GPALPP1: variants seen among roughly 807,000 people sequenced by gnomAD.
GPALPP1 encodes the protein GPALPP motifs-containing protein 1.
Under a neutral mutation model 38.9 loss-of-function variants are expected in GPALPP1, and 30 were observed. That is an observed-to-expected ratio of 0.77 (90% CI 0.58 to 1.05). The LOEUF is 1.05. GPALPP1 is among the 50% of genes least tolerant of loss of function. The pLI, the probability that GPALPP1 is intolerant of heterozygous loss-of-function variation, is 0.00. For synonymous variants in GPALPP1, 120 were observed against 139.2 expected, an observed-to-expected ratio of 0.86 and a Z score of 0.97; for missense variants, 384 against 408.8, an observed-to-expected ratio of 0.94 and a Z score of 0.52.
At chr13:44,991,251 A>G (rs1468931300) in intron 1 of GPALPP1, among the ~76,000 whole-genome samples, 1 of 152,060 alleles carries the variant, frequency 6.6e-6, no homozygotes, top group African/African-American at 2.4e-5. Flanking sequence ...GATCGAGACC[A>G]TTCTGGCCAA....
chr13:45,031,315 T>G (rs748314667), downstream of GPALPP1: 1 of 152,192 alleles, frequency 6.6e-6, no homozygotes, highest in African/African-American at 2.4e-5. Flanking sequence ...AGTGTCTCCA[T>G]TGCATTAATT....
Position 44,989,579 on chromosome 13 carries a change from G to A in GPALPP1, c.-76G>A. On this transcript the variant is annotated 5_prime_UTR_variant, in exon 1 of 8. Coordinates refer to ENST00000379151, the MANE Select transcript of GPALPP1 (RefSeq NM_018559.5). ...GGGAAACCTGCCATTCTTCGCTGCT[G>A]ATCGCGGGATTCTTTTTGGATAGGG... 1.3e-6 allele frequency: 2 copies of A among 1,496,664 alleles called. No individual in the cohort carries two copies. The highest frequency in any genetic ancestry group is 1.8e-5 in the Admixed American group (1 of 57,038). 92.7% of individuals were successfully genotyped at this position (1,496,664 alleles called of 1,614,324 possible). A position where few individuals can be genotyped will look rare whatever the true frequency, so the allele number is the denominator to read the frequency against.
At chr13:44,990,731 C>G (rs1010944027) in intron 1 of GPALPP1, among the ~76,000 whole-genome samples, 2 of 152,116 alleles carry the variant, frequency 1.3e-5, no homozygotes, top group African/African-American at 4.8e-5. Flanking sequence ...CCTGGTCTAC[C>G]CGGAGGCTAT....
At chr13:44,989,890 C>A in intron 1 of GPALPP1, 148 bp downstream of exon 1, 1 of 618,612 alleles carries the variant, frequency 1.6e-6, no homozygotes, top group South Asian at 1.9e-5. Context: ...TCTTCCCAAA[C>A]AGTAGCAGGG....
intron 1 of GPALPP1, among the ~76,000 whole-genome samples, chr13:44,995,169 A>AACACACACACACACACACACACAC (rs371911111): frequency 0.013 from 1,606 of 128,386 alleles, 35 homozygotes; most frequent in African/African-American, 0.027. Context: ...CCTATCTTTA[A>AACACACACACACACACACACACAC]ACACACACAC....
intron 1 of GPALPP1, among the ~76,000 whole-genome samples, chr13:44,996,971 C>T (rs1873338079): frequency 6.6e-6 from 1 of 151,912 alleles, no homozygotes; most frequent in African/African-American, 2.4e-5. Context: ...AAACTCTGTA[C>T]TCACTAAGTA....
chr13:44,999,543 G>A (rs931071870), intron 1 of GPALPP1, among the ~76,000 whole-genome samples: 1 of 151,970 alleles, frequency 6.6e-6, no homozygotes, highest in African/African-American at 2.4e-5. Context: ...TTTATTAGGG[G>A]GTCTGTATTG....
At chr13:45,018,366 C>T (rs963445984) in intron 6 of GPALPP1, among the ~76,000 whole-genome samples, 2 of 150,794 alleles carry the variant, frequency 1.3e-5, no homozygotes, top group Non-Finnish European at 2.9e-5. Flanking sequence ...CACTGCACTC[C>T]AGCCTGGGTA....
At chr13:44,997,542 T>G (rs1287861173) in intron 1 of GPALPP1, among the ~76,000 whole-genome samples, 1 of 152,000 alleles carries the variant, frequency 6.6e-6, no homozygotes, top group Non-Finnish European at 1.5e-5. Context: ...GAGTAGTGAG[T>G]CTACCCTACT....
intron 1 of GPALPP1, among the ~76,000 whole-genome samples, chr13:44,992,880 C>G (rs780471322): frequency 1.4e-4 from 21 of 152,212 alleles, no homozygotes; most frequent in Non-Finnish European, 2.8e-4. Flanking sequence ...GTCATCACCA[C>G]CATCCATCTC....
chr13:45,020,735 C>A (rs184032635), intron 7 of GPALPP1, among the ~76,000 whole-genome samples: 133 of 149,750 alleles, frequency 8.9e-4, no homozygotes, highest in African/African-American at 3.1e-3. Context: ...TTACTTATTT[C>A]TCTTTCTTTT....
At chr13:44,997,706 T>C (rs1873392740) in intron 1 of GPALPP1, among the ~76,000 whole-genome samples, 1 of 152,152 alleles carries the variant, frequency 6.6e-6, no homozygotes, top group Non-Finnish European at 1.5e-5. Flanking sequence ...TATCCCTAAG[T>C]ACTTCCATCT....
At chr13:45,026,918 AGAAAGGGCTATAAT>A (rs1157329976) in intron 7 of GPALPP1, among the ~76,000 whole-genome samples, 2 of 152,192 alleles carry the variant, frequency 1.3e-5, no homozygotes, top group Non-Finnish European at 2.9e-5. Context: ...TTGTTAAATG[AGAAAGGGCTATAAT>A]GAAAGGGATG....
intron 1 of GPALPP1, among the ~76,000 whole-genome samples, chr13:44,993,378 G>A (rs1331916145): frequency 2.0e-5 from 3 of 152,218 alleles, no homozygotes; most frequent in Non-Finnish European, 4.4e-5. Flanking sequence ...ACTCACACCT[G>A]TAATCCCAGC....
chr13:45,026,613 T>C (rs531505852), intron 7 of GPALPP1, among the ~76,000 whole-genome samples: 21 of 152,340 alleles, frequency 1.4e-4, no homozygotes, highest in African/African-American at 4.6e-4. Context: ...AGTACATTCT[T>C]TGGCAGTAGG....
At chr13:44,992,860 T>C (rs1357259128) in intron 1 of GPALPP1, among the ~76,000 whole-genome samples, 1 of 152,216 alleles carries the variant, frequency 6.6e-6, no homozygotes, top group African/African-American at 2.4e-5. Flanking sequence ...TACAGTCACA[T>C]TGTTGTGCGG....
At position 45,027,787 on chromosome 13, in the gene GPALPP1, A is replaced by T; in HGVS notation, c.807A>T (p.Glu269Asp). 6.9e-7 allele frequency: 1 copy of T among 1,456,228 alleles called. No homozygotes were observed. The highest frequency in any genetic ancestry group is 9.6e-7 in the Non-Finnish European group (1 of 1,040,476). 90.2% of individuals were successfully genotyped at this position (1,456,228 alleles called of 1,614,324 possible). A position where few individuals can be genotyped will look rare whatever the true frequency, so the allele number is the denominator to read the frequency against. ...RLAEQVSSYN[E>D]SKRSESLMDI... The stretch of plus-strand genomic sequence containing the variant: ...TTCTGCTCTCCTGCTCTCTCCAGGA[A>T]TCAAAAAGATCAGAATCTCTTATGG... The change falls in exon 8 of 8, where the codon GAA (glutamate) becomes GAT (aspartate). Residue 269 changes from glutamate (E) to aspartate (D), a missense_variant and splice_region_variant. Glu to Asp is a conservative substitution (Grantham distance 45, BLOSUM62 2). Transcript: ENST00000379151.
intron 6 of GPALPP1, among the ~76,000 whole-genome samples, chr13:45,017,635 G>A (rs533014671): frequency 6.6e-6 from 1 of 152,240 alleles, no homozygotes; most frequent in South Asian, 2.1e-4. Flanking sequence ...ATGAATAGAT[G>A]TCTAGCTTAC....
chr13:45,016,424 A>G (rs1325659524), intron 6 of GPALPP1, among the ~76,000 whole-genome samples: 1 of 152,066 alleles, frequency 6.6e-6, no homozygotes, highest in Non-Finnish European at 1.5e-5. Context: ...GCTGCACTCC[A>G]GCCTGGGCAA....
Sources: gnomAD v4.1 joint callset for allele counts (sites outside exome capture counted in the v4.1 genomes callset) on GRCh38, gnomAD v4.1.1 for gene constraint, MANE v1.5 for transcripts, NCBI Gene and HGNC (gene_info 2026-07-23, HGNC 2026-07-21) for gene names.